The following NEK3 variants were observed in gnomAD, a reference collection of about 807,000 sequenced individuals.
NEK3 encodes serine/threonine-protein kinase Nek3.
A neutral mutation model predicts 66.0 loss-of-function variants in NEK3; 54 were observed. The ratio of observed to expected loss-of-function variants is 0.82; its 90% CI spans 0.66 to 1.03. The LOEUF (loss-of-function observed/expected upper bound fraction) is 1.03. Ranked by LOEUF, NEK3 falls within the 50% of genes least tolerant of loss-of-function variation. The pLI is 0.00. For missense variants in NEK3, 593 were observed against 603.0 expected (o/e 0.98, Z 0.17); for synonymous variants, 200 against 206.2 (o/e 0.97, Z 0.26).
At chr13:52,140,916 T>C in intron 11 of NEK3, 104 bp downstream of exon 11, 2 of 871,456 alleles carry the variant, frequency 2.3e-6, no homozygotes, top group Non-Finnish European at 1.7e-6. Flanking sequence ...CCAGGTTCAC[T>C]TGATTCTCCT....
chr13:52,152,974 T>C (rs938153258), intron 4 of NEK3, among the ~76,000 whole-genome samples: 8 of 152,222 alleles, frequency 5.3e-5, no homozygotes, highest in African/African-American at 1.7e-4. Context: ...CAAATAAAAG[T>C]ATTTCTTAAA....
chr13:52,139,100 T>C (rs1956228017), intron 11 of NEK3, among the ~76,000 whole-genome samples: 4 of 152,202 alleles, frequency 2.6e-5, no homozygotes, highest in Admixed American at 2.0e-4. Flanking sequence ...CAGGGCTAGA[T>C]GAACAGGACC....
At chr13:52,137,708 C>T (rs948079314) in intron 11 of NEK3, among the ~76,000 whole-genome samples, 4 of 152,232 alleles carry the variant, frequency 2.6e-5, no homozygotes, top group African/African-American at 9.6e-5. Flanking sequence ...TGAAAAGCCC[C>T]CCAGGGGATT....
At chr13:52,158,116 A>T (rs2138218449) in intron 1 of NEK3, among the ~76,000 whole-genome samples, 1 of 152,288 alleles carries the variant, frequency 6.6e-6, no homozygotes, top group South Asian at 2.1e-4. Flanking sequence ...ACCTCAGATG[A>T]TCCGCCCGCC....
intron 8 of NEK3, among the ~76,000 whole-genome samples, chr13:52,145,347 T>G (rs1373952896): frequency 3.3e-5 from 5 of 152,178 alleles, no homozygotes; most frequent in Non-Finnish European, 7.3e-5. Context: ...GGTGGTTTTT[T>G]GGCTTGAGTG....
intron 13 of NEK3, 57 bp from the exon 14 acceptor site, chr13:52,135,920 C>G: frequency 3.2e-6 from 5 of 1,563,228 alleles, no homozygotes; most frequent in Non-Finnish European, 4.3e-6. Context: ...TCAGCATGTA[C>G]TTTCCAGATC....
At chr13:52,133,631 ACACACACACACACACC>A (rs1956175296) in intron 15 of NEK3, 42 bp downstream of exon 15, 2 of 1,461,094 alleles carry the variant, frequency 1.4e-6, no homozygotes, top group Non-Finnish European at 9.1e-7. Flanking sequence ...ACACACACAC[ACACACACACACACACC>A]CCCAACCCCA....
rs531049693 is a variant in NEK3 at position 52,143,857 on chromosome 13, T to C, written c.877+58A>G. ...ACTTAAAAATTATACATTTCTTTTC[T>C]GTTACAGTATATTTTTAAAAGAGCA... On this transcript the variant is annotated intron_variant, in intron 10 of 15. Coordinates refer to ENST00000610828, the MANE Select transcript of NEK3 (RefSeq NM_002498.3). The C allele has an allele frequency of 3.6e-6, 3 of 836,692 alleles. No homozygotes were observed. In the African/African-American group the frequency reaches 5.2e-5, roughly 14 times the overall value. The allele number at this position is 836,692 out of a possible 1,614,324, so 51.8% of individuals were successfully genotyped here. A position where few individuals can be genotyped will look rare whatever the true frequency, so the allele number is the denominator to read the frequency against.
At chr13:52,134,475 A>G (rs947257085) in intron 14 of NEK3, among the ~76,000 whole-genome samples, 3 of 152,124 alleles carry the variant, frequency 2.0e-5, no homozygotes, top group African/African-American at 7.2e-5. Context: ...TCTCCTCCCA[A>G]GTTTTCACAA....
chr13:52,152,993 TAAAG>T (rs1956360346), intron 4 of NEK3, among the ~76,000 whole-genome samples: 1 of 152,212 alleles, frequency 6.6e-6, no homozygotes, highest in Non-Finnish European at 1.5e-5. Flanking sequence ...AATGCTTATA[TAAAG>T]AGAGTTCACC....
chr13:52,140,883 T>C (rs1956244591), intron 11 of NEK3, 137 bp downstream of exon 11: 3 of 567,248 alleles, frequency 5.3e-6, no homozygotes, highest in Non-Finnish European at 9.0e-6. Flanking sequence ...TGGCGCAATC[T>C]AGGCTCACTG....
chr13:52,136,125 C>A lies in NEK3; in HGVS notation c.1165G>T (p.Asp389Tyr). ...SILTSSLTAE[D>Y]DRGGSVIKYS... ...CAATCTGACTACTAACCTCTATCGT[C>A]CTCTGCTGTTAAACTGGAGGTGAGT... Residue 389 changes from aspartate to tyrosine, a missense_variant, in exon 13 of 16, where the codon GAC (aspartate) becomes TAC (tyrosine). Physicochemically the swap from Asp to Tyr is radical, Grantham distance 160. Coordinates refer to ENST00000610828, the MANE Select transcript of NEK3 (RefSeq NM_002498.3). 6.2e-7 allele frequency: 1 copy of A among 1,613,738 alleles called. No individual in the cohort carries two copies. The highest frequency in any genetic ancestry group is 8.5e-7 in the Non-Finnish European group (1 of 1,179,704).
intron 11 of NEK3, among the ~76,000 whole-genome samples, chr13:52,137,167 TTATAAA>T (rs1264838629): frequency 1.3e-5 from 2 of 152,138 alleles, no homozygotes; most frequent in Non-Finnish European, 2.9e-5. Context: ...ATATCAATTA[TTATAAA>T]TATGAAGAGG....
rs753705438 is a variant in NEK3, at chr13:52,152,615, C to T, written c.387G>A (p.Lys129=). The T allele has an allele frequency of 2.5e-6, 4 of 1,597,338 alleles. No homozygotes were observed. The highest frequency in any genetic ancestry group is 1.7e-5 in the Admixed American group (1 of 57,794). ...AAAAATGTACTCCACTCACCTTGGA[C>T]TTGATATCTCTGTGTAGCACACGTT... ...HKKRVLHRDI[K]SKNIFLTQNG... is the part of the protein sequence containing the mutation. The change falls in exon 5 of 16, where the codon AAG becomes AAA. Residue 129 remains lysine, a synonymous_variant. Coordinates refer to ENST00000610828, the MANE Select transcript of NEK3 (RefSeq NM_002498.3).
intron 4 of NEK3, 151 bp downstream of exon 4, chr13:52,153,744 A>G: frequency 1.7e-6 from 1 of 595,472 alleles, no homozygotes; most frequent in Non-Finnish European, 3.0e-6. Context: ...TCCTGAGGAC[A>G]CTAAGTGGTA....
At chr13:52,151,538 T>TC in intron 5 of NEK3, 146 bp from the exon 6 acceptor site, 1 of 685,266 alleles carries the variant, frequency 1.5e-6, no homozygotes, top group Non-Finnish European at 2.5e-6. Flanking sequence ...AACACCAAGA[T>TC]CCCCTCTTGA....
rs1385838660 is a variant in NEK3 at position 52,136,257 on chromosome 13, T to C, written c.1033A>G (p.Asn345Asp). Residue 345 changes from asparagine (N) to aspartate (D), a missense_variant and splice_region_variant, in exon 13 of 16, where the codon AAT becomes GAT. Physicochemically the swap from Asn to Asp is conservative, Grantham distance 23. Coordinates refer to ENST00000610828, the MANE Select transcript of NEK3 (RefSeq NM_002498.3). ...LRRVNREEKGNKSVHLRKASS... is the reference protein window; with the variant it reads ...LRRVNREEKGDKSVHLRKASS... ...GCTTTCCTCAGATGGACTGACTTAT[T>C]ACCTGATTTTAAAGTGTGAAAAAGG... 2 of 1,613,592 alleles carry C rather than the reference T, an allele frequency of 1.2e-6. No individual in the cohort carries two copies. The highest frequency in any genetic ancestry group is 1.3e-5 in the African/African-American group (1 of 75,054).
intron 11 of NEK3, among the ~76,000 whole-genome samples, chr13:52,140,049 CAAA>C (rs34051162): frequency 5.8e-5 from 5 of 86,654 alleles, no homozygotes; most frequent in African/African-American, 1.1e-4. Context: ...AAAAAAATGC[CAAA>C]AAAAAAAAAA....
rs1459614389 is a variant in NEK3, at chr13:52,146,521, AAAG to A, written c.604-1633_604-1631del. 4.6e-5 allele frequency among the ~76,000 whole-genome samples: 7 copies of A among 152,352 alleles called. 1 individual carries two copies. In the South Asian group the frequency reaches 6.2e-4, roughly 14 times the overall value. On this transcript the variant is annotated intron_variant, in intron 8 of 15. Coordinates refer to ENST00000610828, the MANE Select transcript of NEK3 (RefSeq NM_002498.3). ...CCTTAATACTCATTCTTGCTGGAAA[AAAG>A]AAGAACGTATACATGTAAATTATGA...
Sources: gnomAD v4.1 joint callset for allele counts (sites outside exome capture counted in the v4.1 genomes callset) on GRCh38, gnomAD v4.1.1 for gene constraint, MANE v1.5 for transcripts, NCBI Gene and HGNC (gene_info 2026-07-23, HGNC 2026-07-21) for gene names.